Variants in PHC1 observed in about 807,000 individuals in gnomAD.
PHC1 encodes polyhomeotic homolog 1.
A neutral mutation model predicts 104.3 loss-of-function variants in PHC1; 12 were observed. The ratio of observed to expected loss-of-function variants is 0.12; its 90% CI spans 0.07 to 0.19. PHC1 has a LOEUF of 0.19. PHC1 is among the 10% of genes least tolerant of loss of function. The pLI is 1.00. For synonymous variants in PHC1, 302 were observed against 455.8 expected (o/e 0.66, Z 4.30); for missense variants, 671 against 1,200.0 (o/e 0.56, Z 6.51).
chr12:8,935,270 A>T lies in PHC1; in HGVS notation c.2368+32A>T, dbSNP rs16917905. 0.15 allele frequency: 181,416 copies of T among 1,188,222 alleles called. 15,533 individuals are homozygous for T. The highest frequency in any genetic ancestry group is 0.28 in the African/African-American group (18,102 of 65,742). 73.6% of individuals were successfully genotyped at this position (1,188,222 alleles called of 1,614,324 possible). A position where few individuals can be genotyped will look rare whatever the true frequency, so the allele number is the denominator to read the frequency against. On this transcript the variant is annotated intron_variant, in intron 11 of 14. Transcript: ENST00000544916. ...ATTTATTTAGAGACTCATTTGGGGGAAGGAGACTCGTGGAGATGTGTTTGA... is the reference window on the plus strand; with the variant it reads ...ATTTATTTAGAGACTCATTTGGGGGTAGGAGACTCGTGGAGATGTGTTTGA...
intron 2 of PHC1, 151 bp downstream of exon 2, chr12:8,917,942 T>G (rs774372251): frequency 3.4e-6 from 2 of 580,248 alleles, no homozygotes; most frequent in African/African-American, 4.0e-5. Flanking sequence ...CTGAGAATCT[T>G]AGGAGTTTAC....
At chr12:8,924,647 G>A (rs142573611) in intron 6 of PHC1, among the ~76,000 whole-genome samples, 123 of 152,286 alleles carry the variant, frequency 8.1e-4, no homozygotes, top group African/African-American at 2.6e-3. Flanking sequence ...AACAGCAAGC[G>A]TAAGAGTATA....
intron 3 of PHC1, among the ~76,000 whole-genome samples, chr12:8,920,577 G>T (rs1348965261): frequency 2.0e-5 from 3 of 152,184 alleles, no homozygotes; most frequent in Admixed American, 6.5e-5. Flanking sequence ...GCGTGGTGGT[G>T]TGCACCTGTG....
At chr12:8,934,533 GTCT>G in intron 10 of PHC1, 55 bp downstream of exon 10, 1 of 1,330,590 alleles carries the variant, frequency 7.5e-7, no homozygotes, top group Admixed American at 2.1e-5. Context: ...TCTGATTGTT[GTCT>G]TTTCAAACTC....
In PHC1 at chr12:8,937,970, G is replaced by C; in HGVS notation, c.2770G>C (p.Glu924Gln). 6.2e-7 allele frequency: 1 copy of C among 1,605,216 alleles called. No individual in the cohort carries two copies. ...GNPNTAPPTP[E>Q]LHGINPVFLS... The stretch of plus-strand genomic sequence containing the variant: ...TCCCAATACAGCTCCACCTACACCG[G>C]AATTACATGGCATCAACCCTGTGTT... Residue 924 changes from glutamate (E) to glutamine (Q), a missense_variant, in exon 14 of 15, where the codon GAA becomes CAA. This residue lies in a region of PHC1 where 192 missense variants were observed against 280.5 expected (regional missense o/e 0.68). Coordinates refer to ENST00000544916, the MANE Select transcript of PHC1 (RefSeq NM_004426.3).
At chr12:8,913,888 G>A (rs1565508047), upstream of PHC1, 1 of 152,222 alleles carries the variant, frequency 6.6e-6, no homozygotes, top group African/African-American at 2.4e-5. Flanking sequence ...CTTTGAAAAT[G>A]AAGTCAACTC....
chr12:8,926,332 A>G (rs7309772), intron 6 of PHC1, among the ~76,000 whole-genome samples: 136,575 of 152,250 alleles, frequency 0.9, 61,713 homozygotes, highest in South Asian at 0.97. Flanking sequence ...AATTGCCTGG[A>G]GAGGCCGGGC....
chr12:8,932,277 G>A (rs1945707732), intron 7 of PHC1, among the ~76,000 whole-genome samples: 6 of 152,170 alleles, frequency 3.9e-5, no homozygotes, highest in South Asian at 2.1e-4. Context: ...CAATATTTAA[G>A]TATGGCAAAG....
chr12:8,918,630 G>A (rs1945268744), intron 2 of PHC1, among the ~76,000 whole-genome samples: 1 of 151,946 alleles, frequency 6.6e-6, no homozygotes, highest in African/African-American at 2.4e-5. Context: ...ACCATGCCCA[G>A]CTTTTTTTCT....
intron 1 of PHC1, among the ~76,000 whole-genome samples, chr12:8,917,179 C>G (rs1490548540): frequency 6.6e-6 from 1 of 152,146 alleles, no homozygotes; most frequent in Non-Finnish European, 1.5e-5. Flanking sequence ...GGTGAAGTGC[C>G]TAGCCCAGTG....
At chr12:8,924,194 A>G (rs574878572) in intron 6 of PHC1, among the ~76,000 whole-genome samples, 3 of 152,190 alleles carry the variant, frequency 2.0e-5, no homozygotes, top group Non-Finnish European at 4.4e-5. Context: ...GTGCTAAATT[A>G]GGCTGGGCAT....
rs1335168883 is a variant in PHC1, at chr12:8,933,934, T to C, written c.1963T>C (p.Leu655=). The change falls in exon 9 of 15, where the codon TTG becomes CTG. Residue 655 remains leucine, a synonymous_variant. Coordinates refer to ENST00000544916, the MANE Select transcript of PHC1 (RefSeq NM_004426.3). ...SEEERDDVST[L]GSMLPAKASP... Reference sequence around the variant, plus strand: ...GGAGGAGAGAGATGATGTCTCCACATTGGGTTCAATGCTTCCTGCCAAGGC... The same window carrying C: ...GGAGGAGAGAGATGATGTCTCCACACTGGGTTCAATGCTTCCTGCCAAGGC... 5 of 1,612,670 alleles carry C rather than the reference T, an allele frequency of 3.1e-6. No homozygotes were observed. In the South Asian group the frequency reaches 5.5e-5, roughly 18 times the overall value.
rs750243531 is a variant in PHC1, at chr12:8,940,489, A to G, written c.*1030A>G. The G allele has an allele frequency of 1.8e-3, 258 of 139,472 alleles. 2 individuals are homozygous for G. Among genetic ancestry groups the G allele is most frequent in the Non-Finnish European group, 2.7e-3 (171 of 64,022 alleles). The allele number at this position is 139,472 out of a possible 1,614,324, so 8.6% of individuals were successfully genotyped here. ...ATAACAAAAAAGATGCTTTTGTAAC[A>G]TTATTTTCCCTGTTTAGAAAGAAAA... is the stretch of plus-strand genomic sequence containing the variant. On this transcript the variant is annotated 3_prime_UTR_variant, in exon 15 of 15. Coordinates refer to ENST00000544916, the MANE Select transcript of PHC1 (RefSeq NM_004426.3).
At chr12:8,931,026 C>G (rs1945669140) in intron 7 of PHC1, 99 bp downstream of exon 7, 1 of 1,262,412 alleles carries the variant, frequency 7.9e-7, no homozygotes, top group Non-Finnish European at 1.1e-6. Context: ...TTTGTTTTTT[C>G]CCCGCTTCTG....
chr12:8,939,157 ATTTTGC>A, intron 14 of PHC1, 142 bp from the exon 15 acceptor site: 1 of 976,044 alleles, frequency 1.0e-6, no homozygotes, highest in Non-Finnish European at 1.5e-6. Context: ...TTCTAATTTC[ATTTTGC>A]TTTTAAAGCT....
intron 7 of PHC1, among the ~76,000 whole-genome samples, chr12:8,931,525 C>T (rs967623478): frequency 3.3e-5 from 5 of 152,142 alleles, no homozygotes; most frequent in Admixed American, 1.3e-4. Context: ...CATGGTGAAA[C>T]CCCGTCTCTA....
intron 6 of PHC1, among the ~76,000 whole-genome samples, chr12:8,927,985 C>T (rs1159565206): frequency 6.7e-6 from 1 of 148,252 alleles, no homozygotes; most frequent in Non-Finnish European, 1.5e-5. Context: ...CGGCTCACTG[C>T]AACTTCTGCC....
intron 6 of PHC1, among the ~76,000 whole-genome samples, chr12:8,928,540 C>T (rs1945594086): frequency 6.6e-6 from 1 of 152,096 alleles, no homozygotes; most frequent in African/African-American, 2.4e-5. Flanking sequence ...TCCATTCTTC[C>T]CTCGGGTCCT....
chr12:8,933,925 G>T lies in PHC1; in HGVS notation c.1954G>T (p.Val652Phe). The part of the protein sequence containing the change: ...KADSEEERDD[V>F]STLGSMLPAK... ...TGACTCTGAGGAGGAGAGAGATGATGTCTCCACATTGGGTTCAATGCTTCC... is the reference window on the plus strand; with the variant it reads ...TGACTCTGAGGAGGAGAGAGATGATTTCTCCACATTGGGTTCAATGCTTCC... Residue 652 changes from valine (V) to phenylalanine (F), a missense_variant, in exon 9 of 15, where the codon GTC (valine) becomes TTC (phenylalanine). Coordinates refer to ENST00000544916, the MANE Select transcript of PHC1 (RefSeq NM_004426.3). 2 of 1,609,580 alleles carry T rather than the reference G, an allele frequency of 1.2e-6. No individual in the cohort carries two copies. The highest frequency in any genetic ancestry group is 1.7e-6 in the Non-Finnish European group (2 of 1,175,792).
Sources: allele counts gnomAD v4.1 joint callset (sites outside exome capture counted in the v4.1 genomes callset), GRCh38; gene constraint gnomAD v4.1.1; regional missense constraint gnomAD v4.1.1; transcripts MANE v1.5; gene names NCBI Gene and HGNC (gene_info 2026-07-23, HGNC 2026-07-21).